GALNTL6: variants seen among roughly 807,000 people sequenced by gnomAD.
GALNTL6 encodes the protein polypeptide N-acetylgalactosaminyltransferase-like 6.
Under a neutral mutation model 73.7 loss-of-function variants are expected in GALNTL6, and 46 were observed. The ratio of observed to expected loss-of-function variants is 0.62; its 90% CI spans 0.49 to 0.80. The LOEUF (loss-of-function observed/expected upper bound fraction) is 0.80. GALNTL6 is among the 30% of genes least tolerant of loss of function. The pLI, the probability that GALNTL6 is intolerant of heterozygous loss-of-function variation, is 0.00. For missense variants in GALNTL6, 604 were observed against 755.0 expected, an observed-to-expected ratio of 0.80 and a Z score of 2.34; for synonymous variants, 259 against 263.7, an observed-to-expected ratio of 0.98 and a Z score of 0.17.
intron 5 of GALNTL6, among the ~76,000 whole-genome samples, chr4:172,679,669 T>A (rs1280964201): frequency 6.6e-6 from 1 of 152,216 alleles, no homozygotes; most frequent in Non-Finnish European, 1.5e-5. Flanking sequence ...GTTATTATTA[T>A]CATCTTTATT....
intron 2 of GALNTL6, among the ~76,000 whole-genome samples, chr4:172,133,244 T>A (rs774114090): frequency 6.6e-6 from 1 of 152,160 alleles, no homozygotes; most frequent in South Asian, 2.1e-4. Flanking sequence ...AACTTGCTAG[T>A]TGGGTAAGAT....
intron 5 of GALNTL6, among the ~76,000 whole-genome samples, chr4:172,732,029 G>A (rs1177578854): frequency 6.6e-6 from 1 of 151,878 alleles, no homozygotes; most frequent in Non-Finnish European, 1.5e-5. Context: ...CTAGTGAAAT[G>A]TTCTGTAAAT....
chr4:172,616,555 G>GT (rs1203436124), intron 5 of GALNTL6, among the ~76,000 whole-genome samples: 63 of 84,284 alleles, frequency 7.5e-4, no homozygotes, highest in Admixed American at 2.9e-3. Flanking sequence ...TTTTTGCAAA[G>GT]TTTTTTTTTC....
chr4:171,830,888 G>A (rs769119359), intron 2 of GALNTL6, among the ~76,000 whole-genome samples: 3 of 152,034 alleles, frequency 2.0e-5, no homozygotes, highest in Non-Finnish European at 4.4e-5. Flanking sequence ...ACTATAAAAT[G>A]TGTAGGCACA....
At chr4:171,836,570 T>G (rs1436440513) in intron 2 of GALNTL6, among the ~76,000 whole-genome samples, 1 of 152,138 alleles carries the variant, frequency 6.6e-6, no homozygotes, top group African/African-American at 2.4e-5. Context: ...TTTCTAGTTC[T>G]CCAACATCAT....
intron 2 of GALNTL6, among the ~76,000 whole-genome samples, chr4:172,213,678 T>C (rs114503975): frequency 0.01 from 1,526 of 152,312 alleles, 27 homozygotes; most frequent in African/African-American, 0.034. Flanking sequence ...CCTTATCAGA[T>C]ATGTATTTTG....
chr4:172,531,104 A>T (rs896539753), intron 5 of GALNTL6, among the ~76,000 whole-genome samples: 1 of 152,190 alleles, frequency 6.6e-6, no homozygotes, highest in African/African-American at 2.4e-5. Flanking sequence ...GGAAGAGCCC[A>T]GAAATGGCAG....
intron 5 of GALNTL6, among the ~76,000 whole-genome samples, chr4:172,724,418 C>T (rs753975416): frequency 6.6e-6 from 1 of 152,144 alleles, no homozygotes; most frequent in Non-Finnish European, 1.5e-5. Context: ...AGTGAGCAGT[C>T]GATGATTATC....
chr4:172,545,499 T>C (rs1579174134), intron 5 of GALNTL6: 1 of 152,228 alleles, frequency 6.6e-6, no homozygotes, highest in East Asian at 1.9e-4. Flanking sequence ...CATCCCAGAA[T>C]CCTTGTGTGG....
intron 5 of GALNTL6, among the ~76,000 whole-genome samples, chr4:172,755,509 C>G (rs1396974311): frequency 6.6e-6 from 1 of 152,094 alleles, no homozygotes; most frequent in Non-Finnish European, 1.5e-5. Flanking sequence ...CAATATTATC[C>G]AAGTACCTTG....
chr4:171,865,405 A>G (rs975472585), intron 2 of GALNTL6, among the ~76,000 whole-genome samples: 3 of 152,154 alleles, frequency 2.0e-5, no homozygotes, highest in Admixed American at 2.0e-4. Flanking sequence ...TTGTAGAGGA[A>G]CTAATAGAAA....
In GALNTL6 at chr4:172,208,745, C is replaced by T. The variant is rs114536729; in HGVS notation, c.139-20911C>T. ...ACCAAGAAAGTTAAGATTGCATTTT[C>T]CTGGTTTGGTCAAACTCTACCTGAA... On this transcript the variant is annotated intron_variant, in intron 2 of 12. Coordinates refer to ENST00000506823, the MANE Select transcript of GALNTL6 (RefSeq NM_001034845.3). Among the ~76,000 whole-genome samples, 1,459 of 152,212 alleles carry T rather than the reference C, an allele frequency of 9.6e-3. 22 individuals are homozygous for T. The highest frequency in any genetic ancestry group is 0.032 in the African/African-American group (1,348 of 41,550).
intron 10 of GALNTL6, among the ~76,000 whole-genome samples, chr4:172,966,530 G>A (rs1290818623): frequency 2.6e-5 from 4 of 152,134 alleles, no homozygotes; most frequent in African/African-American, 9.7e-5. Context: ...AAGTAGCTGG[G>A]ATTACAGGCA....
chr4:171,832,215 A>C (rs1019260832), intron 2 of GALNTL6, among the ~76,000 whole-genome samples: 3 of 151,498 alleles, frequency 2.0e-5, no homozygotes, highest in Non-Finnish European at 4.4e-5. Flanking sequence ...CATTCAGGTA[A>C]AACAGTCAAA....
At chr4:172,090,656 C>G (rs543058741) in intron 2 of GALNTL6, among the ~76,000 whole-genome samples, 1 of 152,204 alleles carries the variant, frequency 6.6e-6, no homozygotes, top group East Asian at 1.9e-4. Context: ...CCTGTTCAAT[C>G]TGATGATAGT....
At chr4:173,002,458 C>T (rs6842080) in intron 10 of GALNTL6, among the ~76,000 whole-genome samples, 26,129 of 151,516 alleles carry the variant, frequency 0.17, 2,325 homozygotes, top group African/African-American at 0.21. Flanking sequence ...ACAAATTTGG[C>T]ATATTTATAT....
intron 2 of GALNTL6, among the ~76,000 whole-genome samples, chr4:172,126,812 C>G (rs10003069): frequency 0.44 from 67,530 of 151,866 alleles, 15,684 homozygotes; most frequent in African/African-American, 0.56. Flanking sequence ...ACTGGGGTCC[C>G]AACAGTCCCT....
At chr4:172,298,569 A>G (rs1739777735) in intron 3 of GALNTL6, among the ~76,000 whole-genome samples, 1 of 152,196 alleles carries the variant, frequency 6.6e-6, no homozygotes, top group African/African-American at 2.4e-5. Context: ...GAGAGTTTTT[A>G]GCATGAAGGG....
At chr4:172,742,654 G>A (rs1189330830) in intron 5 of GALNTL6, among the ~76,000 whole-genome samples, 6 of 152,090 alleles carry the variant, frequency 3.9e-5, no homozygotes, top group Non-Finnish European at 7.4e-5. Flanking sequence ...TTCTGGCTAT[G>A]TAAGAGACTA....
Sources: gnomAD v4.1 joint callset for allele counts (sites outside exome capture counted in the v4.1 genomes callset) on GRCh38, gnomAD v4.1.1 for gene constraint, MANE v1.5 for transcripts, NCBI Gene and HGNC (gene_info 2026-07-23, HGNC 2026-07-21) for gene names.